Variants in PLOD2 observed in about 807,000 individuals in gnomAD.
PLOD2 encodes the protein lysine hydroxylase 2.
A neutral mutation model predicts 101.0 loss-of-function variants in PLOD2; 65 were observed. The observed-to-expected ratio is 0.64, with a 90% confidence interval of 0.53 to 0.79. The LOEUF (loss-of-function observed/expected upper bound fraction) is 0.79. Ranked by LOEUF, PLOD2 falls within the 30% of genes least tolerant of loss-of-function variation. The probability of loss-of-function intolerance (pLI) is 0.00; values close to 1 mark genes in which losing one functional copy is unlikely to be tolerated. For synonymous variants in PLOD2, 314 were observed against 302.9 expected (o/e 1.04, Z -0.38); for missense variants, 909 against 914.6 (o/e 0.99, Z 0.08).
chr3:146,089,569 C>T (rs1420355441), intron 8 of PLOD2, among the ~76,000 whole-genome samples: 1 of 151,540 alleles, frequency 6.6e-6, no homozygotes, highest in African/African-American at 2.4e-5. Context: ...TTTTTAAATA[C>T]CTTATACATT....
chr3:146,097,280 G>A (rs1384144478), intron 7 of PLOD2, among the ~76,000 whole-genome samples: 5 of 150,086 alleles, frequency 3.3e-5, no homozygotes, highest in African/African-American at 9.8e-5. Flanking sequence ...GCCCAGCCAC[G>A]ACCCCGTCTG....
intron 2 of PLOD2, among the ~76,000 whole-genome samples, chr3:146,122,195 A>G (rs1251224968): frequency 6.6e-6 from 1 of 152,230 alleles, no homozygotes; most frequent in Non-Finnish European, 1.5e-5. Flanking sequence ...ATGTCCTGTT[A>G]TAACTTATCA....
rs574822405 is a variant in PLOD2, at chr3:146,124,054, G to A, written c.201+84C>T. ...TAACCAAATGCTATCTTCCTTGTGA[G>A]GATTACAGATTGTACTGCTGTTATG... On this transcript the variant is annotated intron_variant, in intron 2 of 19. Coordinates refer to ENST00000282903, the MANE Select transcript of PLOD2 (RefSeq NM_182943.3). 6.4e-4 allele frequency: 500 copies of A among 780,974 alleles called. 4 individuals are homozygous for A. Among genetic ancestry groups the A allele is most frequent in the South Asian group, 2.9e-3 (209 of 72,532 alleles). 48.4% of individuals were successfully genotyped at this position (780,974 alleles called of 1,614,324 possible). A position where few individuals can be genotyped will look rare whatever the true frequency, so the allele number is the denominator to read the frequency against.
chr3:146,091,995 C>T, intron 7 of PLOD2, 94 bp from the exon 8 acceptor site: 2 of 724,988 alleles, frequency 2.8e-6, no homozygotes, highest in Non-Finnish European at 5.0e-6. Context: ...ATGTTTTCTG[C>T]AGCAGGTATA....
chr3:146,135,727 C>T (rs2031192595), intron 1 of PLOD2, among the ~76,000 whole-genome samples: 1 of 152,094 alleles, frequency 6.6e-6, no homozygotes, highest in Admixed American at 6.6e-5. Context: ...ACTTCTCATA[C>T]ACGTGCATAC....
intron 10 of PLOD2, 137 bp from the exon 11 acceptor site, chr3:146,085,410 T>C (rs1286496360): frequency 1.5e-6 from 1 of 661,448 alleles, no homozygotes; most frequent in East Asian, 2.7e-5. Context: ...TGGAACAATA[T>C]CTGAAACGAT....
At chr3:146,112,781 G>T (rs921731507) in intron 3 of PLOD2, among the ~76,000 whole-genome samples, 4 of 151,572 alleles carry the variant, frequency 2.6e-5, no homozygotes, top group Non-Finnish European at 4.4e-5. Context: ...AACCCGAGAG[G>T]TGGAGGTTGC....
intron 1 of PLOD2, among the ~76,000 whole-genome samples, chr3:146,154,213 A>C (rs1454732464): frequency 6.6e-6 from 1 of 152,214 alleles, no homozygotes. Flanking sequence ...TATTTGTATT[A>C]AAAGTCTATT....
chr3:146,105,688 GA>G (rs1043379198), intron 5 of PLOD2, among the ~76,000 whole-genome samples: 1 of 152,070 alleles, frequency 6.6e-6, no homozygotes, highest in African/African-American at 2.4e-5. Flanking sequence ...ATATGAAACA[GA>G]AAAAAAGTCC....
In PLOD2 at chr3:146,082,659, G is replaced by A. The variant is rs997757855; in HGVS notation, c.1233-796C>T. Among the ~76,000 whole-genome samples the A allele has an allele frequency of 2.0e-5, 3 of 152,176 alleles. No homozygotes were observed. In the South Asian group the frequency reaches 6.2e-4, roughly 32 times the overall value. ...TGTAATCCCAGCACTTTGGGAAGCC[G>A]AGGCGGGCGGATCACAAGGTCAGGA... On this transcript the variant is annotated intron_variant, in intron 11 of 19. Coordinates refer to ENST00000282903, the MANE Select transcript of PLOD2 (RefSeq NM_182943.3).
intron 15 of PLOD2, among the ~76,000 whole-genome samples, chr3:146,075,487 T>TAAAAAAAAAAAAAAA (rs35706246): frequency 1.1e-4 from 10 of 93,614 alleles, no homozygotes; most frequent in East Asian, 6.4e-4. Context: ...CTCAAATCTG[T>TAAAAAAAAAAAAAAA]AAAAAAAAAA....
At chr3:146,076,745 T>C in intron 15 of PLOD2, 37 bp downstream of exon 15, 1 of 982,774 alleles carries the variant, frequency 1.0e-6, no homozygotes, top group Non-Finnish European at 1.6e-6. Context: ...CACTTACAGT[T>C]ATAGAAAAAT....
chr3:146,080,333 A>C (rs1352709019), intron 12 of PLOD2, among the ~76,000 whole-genome samples: 1 of 152,110 alleles, frequency 6.6e-6, no homozygotes, highest in Non-Finnish European at 1.5e-5. Context: ...AATATGCTGT[A>C]ATAAAAGTTA....
chr3:146,107,303 A>G (rs1937551975), intron 4 of PLOD2, among the ~76,000 whole-genome samples: 1 of 152,230 alleles, frequency 6.6e-6, no homozygotes, highest in East Asian at 1.9e-4. Context: ...GCCTTAAAGC[A>G]TAAGCATTAA....
intron 1 of PLOD2, among the ~76,000 whole-genome samples, chr3:146,142,355 A>C (rs2031563716): frequency 6.6e-6 from 1 of 152,018 alleles, no homozygotes; most frequent in South Asian, 2.1e-4. Context: ...TCAGTGCAAA[A>C]TTCACCATCC....
At chr3:146,109,493 A>C (rs2108067456) in intron 4 of PLOD2, among the ~76,000 whole-genome samples, 1 of 152,316 alleles carries the variant, frequency 6.6e-6, no homozygotes, top group African/African-American at 2.4e-5. Context: ...ACTTATTTTA[A>C]CTAGCCTGGA....
At chr3:146,140,256 T>C (rs1275171942) in intron 1 of PLOD2, among the ~76,000 whole-genome samples, 3 of 152,052 alleles carry the variant, frequency 2.0e-5, no homozygotes, top group Non-Finnish European at 4.4e-5. Flanking sequence ...TCAGTTCTTA[T>C]GACAATTCAT....
chr3:146,091,756 G>A, intron 8 of PLOD2, 44 bp downstream of exon 8: 1 of 1,059,928 alleles, frequency 9.4e-7, no homozygotes. Context: ...TCATGACAAT[G>A]TACTTTCTAT....
intron 1 of PLOD2, among the ~76,000 whole-genome samples, chr3:146,130,376 C>T (rs1051713308): frequency 2.0e-5 from 3 of 152,080 alleles, no homozygotes; most frequent in African/African-American, 7.2e-5. Flanking sequence ...ATTGTAATTA[C>T]ATATTAATTT....
Sources: gnomAD v4.1 joint callset for allele counts (sites outside exome capture counted in the v4.1 genomes callset) on GRCh38, gnomAD v4.1.1 for gene constraint, MANE v1.5 for transcripts, NCBI Gene and HGNC (gene_info 2026-07-23, HGNC 2026-07-21) for gene names.